MTERF4: variants seen among roughly 807,000 people sequenced by gnomAD.
The protein encoded by MTERF4 is mitochondrial transcription termination factor 4.
Under a neutral mutation model 22.5 loss-of-function variants are expected in MTERF4, and 17 were observed. The observed-to-expected ratio is 0.75, with a 90% CI of 0.52 to 1.13. The LOEUF is 1.13. Ranked by LOEUF, MTERF4 falls within the 50% of genes most tolerant of loss-of-function variation. The pLI is 0.00. For synonymous variants in MTERF4, 165 were observed against 175.3 expected (o/e 0.94, Z 0.47); for missense variants, 420 against 466.8 (o/e 0.90, Z 0.92).
At chr2:241,043,212 C>T in the MTERF4 span, among the ~76,000 whole-genome samples, 1 of 152,136 alleles carries the variant, frequency 6.6e-6, no homozygotes, top group Admixed American at 6.5e-5. Flanking sequence ...CCATGCAAAG[C>T]CATACCATAA....
At chr2:241,050,328 G>A in the MTERF4 span, among the ~76,000 whole-genome samples, 2 of 152,192 alleles carry the variant, frequency 1.3e-5, no homozygotes, top group Non-Finnish European at 2.9e-5. Context: ...GTGTCCTTCT[G>A]TAAGCACACT....
At chr2:241,087,955 G>A (rs750661029), downstream of MTERF4, 6 of 395,772 alleles carry the variant, frequency 1.5e-5, no homozygotes, top group African/African-American at 6.2e-5. Flanking sequence ...GCCTGTCATC[G>A]TCCTCATAGA....
At chr2:241,085,860 CTTTTTTTTTTTTT>C (rs772995766), downstream of MTERF4, among the ~76,000 whole-genome samples, 1 of 79,190 alleles carries the variant, frequency 1.3e-5, no homozygotes, top group African/African-American at 5.1e-5. Flanking sequence ...TCTGCGGTTT[CTTTTTTTTTTTTT>C]TTTTTTTTTT....
At chr2:241,063,667 C>T in the MTERF4 span, 1 of 1,612,068 alleles carries the variant, frequency 6.2e-7, no homozygotes, top group Non-Finnish European at 8.5e-7. Context: ...CTGCCGGTGC[C>T]CTGCAGGCTT....
chr2:241,087,871 G>A (rs564044499), downstream of MTERF4: 40 of 444,848 alleles, frequency 9.0e-5, no homozygotes, highest in Admixed American at 1.2e-3. Context: ...GTAGTTACAA[G>A]AATTACTACT....
At chr2:241,081,090 C>T (rs2125300432) in intron 4 of MTERF4, among the ~76,000 whole-genome samples, 1 of 152,354 alleles carries the variant, frequency 6.6e-6, no homozygotes, top group African/African-American at 2.4e-5. Flanking sequence ...TCGAGTGGGA[C>T]TTGGACACAT....
At chr2:241,078,398 A>AG (rs2063150358) in intron 4 of MTERF4, among the ~76,000 whole-genome samples, 1 of 142,382 alleles carries the variant, frequency 7.0e-6, no homozygotes. Flanking sequence ...AAAAAAAAAA[A>AG]GAAAGAAAGA....
chr2:241,100,812 G>A (rs1047575978), intron 1 of MTERF4, among the ~76,000 whole-genome samples: 1 of 152,236 alleles, frequency 6.6e-6, no homozygotes, highest in Non-Finnish European at 1.5e-5. Flanking sequence ...AGTTTTGGAG[G>A]AGTCAAACGT....
chr2:241,079,549 G>A (rs2063226350), intron 4 of MTERF4, among the ~76,000 whole-genome samples: 1 of 152,072 alleles, frequency 6.6e-6, no homozygotes, highest in Non-Finnish European at 1.5e-5. Flanking sequence ...TTCACTAAAT[G>A]AGGAGGGAAA....
chr2:241,072,012 C>T (rs1204966220), downstream of MTERF4: 12 of 827,866 alleles, frequency 1.4e-5, no homozygotes, highest in South Asian at 4.3e-5. Context: ...ACCCCCACCC[C>T]GACTGTGCAC....
At chr2:241,072,946 G>A (rs2062808404) in exon 5 of MTERF4, 1 of 397,214 alleles carries the variant, frequency 2.5e-6, no homozygotes, top group East Asian at 4.0e-5. Context: ...TGCAGAATTT[G>A]ACCCTAAGAA....
intron 1 of MTERF4, 65 bp from the exon 2 acceptor site, chr2:241,099,959 A>T (rs1390691429): frequency 4.5e-6 from 7 of 1,541,784 alleles, no homozygotes; most frequent in Non-Finnish European, 5.2e-6. Context: ...ACACCATAAG[A>T]CTTCTGAGCC....
rs149743211 is a variant in MTERF4 at position 241,096,082 on chromosome 2, A to C, written c.1062T>G (p.Asp354Glu). ...CATCATCGTCATCCTCATCATTGTC[A>C]TCCTCATCATTGTCCTCCTCATCAT... ...DDDDEEDNDE[D>E]DNDEDDDDED... is the part of the protein sequence containing the mutation. The change falls in exon 4 of 4, where the codon GAT becomes GAG. Residue 354 changes from aspartate (D) to glutamate (E), a missense_variant. Physicochemically the swap from Asp to Glu is conservative, Grantham distance 45 (BLOSUM62 2). Transcript: ENST00000391980. The surrounding 1 kb of genome is among the most constrained non-coding windows in gnomAD (Gnocchi z 5.1). 1.2e-5 allele frequency: 19 copies of C among 1,611,684 alleles called. No individual in the cohort carries two copies. The highest frequency in any genetic ancestry group is 1.4e-5 in the Non-Finnish European group (17 of 1,179,142).
exon 5 of MTERF4, chr2:241,072,535 C>G: frequency 1.2e-5 from 4 of 324,156 alleles, no homozygotes; most frequent in Non-Finnish European, 2.4e-5. Context: ...CCAACAGAGC[C>G]TAGTCACCAG....
At chr2:241,063,756 G>A in the MTERF4 span, 1 of 1,281,422 alleles carries the variant, frequency 7.8e-7, no homozygotes, top group South Asian at 1.3e-5. Flanking sequence ...TGGAAGATCA[G>A]AGAGGAGGTG....
chr2:241,069,616 C>T (rs1009489561), downstream of MTERF4, among the ~76,000 whole-genome samples: 2 of 152,168 alleles, frequency 1.3e-5, no homozygotes, highest in African/African-American at 4.8e-5. This position sits in a 1 kb window ranked among gnomAD's most constrained non-coding sequence, Gnocchi z 4.9. Context: ...TCCACGCAGC[C>T]AGGCTCAGGG....
chr2:241,068,958 G>T, downstream of MTERF4: 1 of 1,556,394 alleles, frequency 6.4e-7, no homozygotes, highest in South Asian at 1.2e-5. The surrounding 1 kb of genome is among the most constrained non-coding windows in gnomAD (Gnocchi z 5.3). Context: ...ACCACCCTCA[G>T]TGGGCTCAGG....
the MTERF4 span, among the ~76,000 whole-genome samples, chr2:241,048,101 CT>C: frequency 6.6e-6 from 1 of 152,202 alleles, no homozygotes; most frequent in Admixed American, 6.5e-5. Flanking sequence ...TTCTCTGGTG[CT>C]TCTTGTTCTG....
the MTERF4 span, chr2:241,064,732 C>A: frequency 1.4e-6 from 1 of 714,096 alleles, no homozygotes; most frequent in Non-Finnish European, 2.3e-6. The surrounding 1 kb of genome is among the most constrained non-coding windows in gnomAD (Gnocchi z 7.0). Flanking sequence ...CTGTGCCCCC[C>A]GCCCCTCCAC....
Sources: allele counts gnomAD v4.1 joint callset (sites outside exome capture counted in the v4.1 genomes callset), GRCh38; gene constraint gnomAD v4.1.1; non-coding constraint Gnocchi (gnomAD v3.1); transcripts MANE v1.5; gene names NCBI Gene and HGNC (gene_info 2026-07-23, HGNC 2026-07-21).